MSI2: variants seen among roughly 807,000 people sequenced by gnomAD.
The protein encoded by MSI2 is musashi RNA binding protein 2.
MSI2 carries 17 observed loss-of-function variants against 45.6 expected under a neutral mutation model. The observed-to-expected ratio is 0.37, with a 90% CI of 0.26 to 0.56. The LOEUF (loss-of-function observed/expected upper bound fraction) is 0.56, where lower values mean the gene tolerates loss of function less well. Among genes scored for constraint, MSI2 ranks in the 20% least tolerant of loss-of-function variants. The pLI is 0.77. For synonymous variants in MSI2, 156 were observed against 158.2 expected (o/e 0.99, Z 0.11); for missense variants, 293 against 444.2 (o/e 0.66, Z 3.06).
At chr17:57,385,093 T>C (rs1192305393) in intron 5 of MSI2, among the ~76,000 whole-genome samples, 1 of 152,176 alleles carries the variant, frequency 6.6e-6, no homozygotes, top group Non-Finnish European at 1.5e-5. Flanking sequence ...GGTCCCTTCA[T>C]CTTGAACTAT....
chr17:57,668,999 A>G (rs1307254342), intron 11 of MSI2, among the ~76,000 whole-genome samples: 2 of 152,222 alleles, frequency 1.3e-5, no homozygotes, highest in Non-Finnish European at 2.9e-5. Context: ...GCTAAGCTCT[A>G]GAAGGAAAGC....
chr17:57,387,229 C>T (rs1222051395), intron 5 of MSI2, among the ~76,000 whole-genome samples: 1 of 152,220 alleles, frequency 6.6e-6, no homozygotes, highest in East Asian at 1.9e-4. Flanking sequence ...GAACAGACAT[C>T]ATGGCTATAA....
At chr17:57,441,137 C>T (rs1858517896) in intron 6 of MSI2, among the ~76,000 whole-genome samples, 1 of 152,182 alleles carries the variant, frequency 6.6e-6, no homozygotes, top group Non-Finnish European at 1.5e-5. Context: ...TATTCTGTTT[C>T]CATTGACGGG....
intron 5 of MSI2, among the ~76,000 whole-genome samples, chr17:57,319,121 C>A (rs373169071): frequency 1.3e-5 from 2 of 152,318 alleles, no homozygotes; most frequent in African/African-American, 4.8e-5. Context: ...CAGAGCAGGG[C>A]CTTCTGACTC....
chr17:57,566,676 T>C (rs1347641094), intron 7 of MSI2, among the ~76,000 whole-genome samples: 1 of 152,168 alleles, frequency 6.6e-6, no homozygotes, highest in Non-Finnish European at 1.5e-5. Flanking sequence ...AACTGAGAGA[T>C]TGAGGATTTG....
At chr17:57,593,541 GAC>G (rs1456544311) in intron 7 of MSI2, among the ~76,000 whole-genome samples, 9 of 152,056 alleles carry the variant, frequency 5.9e-5, no homozygotes, top group Non-Finnish European at 1.5e-5. Context: ...GTCTTTTAAG[GAC>G]ACCTGTCGTT....
chr17:57,257,152 G>T lies in MSI2; in HGVS notation c.103+14G>T. 7 of 1,560,298 alleles carry T rather than the reference G, an allele frequency of 4.5e-6. No homozygotes were observed. The highest frequency in any genetic ancestry group is 1.1e-5 in the South Asian group (1 of 88,282). ...AGACCTCACCAGGTAAGGGAGGGAGGGGGGGACGCCTGGGTCCCCCCCTTC... is the reference window on the plus strand; with the variant it reads ...AGACCTCACCAGGTAAGGGAGGGAGTGGGGGACGCCTGGGTCCCCCCCTTC... On this transcript the variant is annotated intron_variant, in intron 2 of 13. Transcript: ENST00000284073.
intron 5 of MSI2, among the ~76,000 whole-genome samples, chr17:57,283,430 T>C (rs1410115306): frequency 6.6e-6 from 1 of 152,156 alleles, no homozygotes; most frequent in East Asian, 1.9e-4. Flanking sequence ...GGGGGCTTGA[T>C]TTGTCTGTTA....
chr17:57,364,068 A>G (rs960694973), intron 5 of MSI2, among the ~76,000 whole-genome samples: 3 of 152,130 alleles, frequency 2.0e-5, no homozygotes, highest in African/African-American at 4.8e-5. Flanking sequence ...CCTGAAACCT[A>G]TGTTCTTGGT....
intron 6 of MSI2, among the ~76,000 whole-genome samples, chr17:57,521,232 G>A (rs555806456): frequency 5.9e-5 from 9 of 152,148 alleles, no homozygotes; most frequent in Non-Finnish European, 5.9e-5. Flanking sequence ...GGAAGGCAGC[G>A]GCTGGCAGGC....
intron 6 of MSI2, among the ~76,000 whole-genome samples, chr17:57,426,327 G>C (rs2084491716): frequency 6.6e-6 from 1 of 152,162 alleles, no homozygotes; most frequent in Admixed American, 6.5e-5. Flanking sequence ...GTCTTGCCTT[G>C]TGAAAGCATT....
At chr17:57,340,991 C>T (rs1915095336) in intron 5 of MSI2, among the ~76,000 whole-genome samples, 1 of 152,196 alleles carries the variant, frequency 6.6e-6, no homozygotes, top group African/African-American at 2.4e-5. Flanking sequence ...CCCCGGTATC[C>T]ATTCTGTCCT....
intron 7 of MSI2, among the ~76,000 whole-genome samples, chr17:57,592,439 T>C (rs750327855): frequency 1.3e-5 from 2 of 152,192 alleles, no homozygotes; most frequent in Non-Finnish European, 2.9e-5. Context: ...ATAACACTTA[T>C]TGATAATTAA....
chr17:57,544,170 C>T lies in MSI2; in HGVS notation c.454+14446C>T, dbSNP rs976592772. On this transcript the variant is annotated intron_variant, in intron 7 of 13. Transcript: ENST00000284073. The stretch of plus-strand genomic sequence containing the variant: ...GGGTGCAAGGCACATTTGAATTGGA[C>T]GTGGCCCTCGGTTGGTTTCAGAAAG... 2.6e-5 allele frequency among the ~76,000 whole-genome samples: 4 copies of T among 151,984 alleles called. No homozygotes were observed. In the East Asian group the frequency reaches 5.8e-4, roughly 22 times the overall value.
At chr17:57,593,317 T>G (rs1485110540) in intron 7 of MSI2, among the ~76,000 whole-genome samples, 3 of 152,182 alleles carry the variant, frequency 2.0e-5, no homozygotes, top group Non-Finnish European at 4.4e-5. Flanking sequence ...CTTCGTGGCT[T>G]AAAACAACAG....
chr17:57,532,555 T>C (rs950721366), intron 7 of MSI2, among the ~76,000 whole-genome samples: 2 of 152,234 alleles, frequency 1.3e-5, no homozygotes, highest in Non-Finnish European at 2.9e-5. Flanking sequence ...GAAGAACATA[T>C]CACAGCAGAG....
chr17:57,257,433 C>G, intron 2 of MSI2, 33 bp from the exon 3 acceptor site: 1 of 874,796 alleles, frequency 1.1e-6, no homozygotes, highest in Non-Finnish European at 1.7e-6. Flanking sequence ...CACCTTCTCT[C>G]CCCCCCCCAT....
At position 57,667,970 on chromosome 17, in the gene MSI2, G is replaced by A. The variant is rs575736426; in HGVS notation, c.791-7002G>A. The stretch of plus-strand genomic sequence containing the variant: ...TCCCAGCACTTTGGGAGGCTGAGGC[G>A]GGTGGATCACCTGAGGTCAGGAGTT... On this transcript the variant is annotated intron_variant, in intron 11 of 13. Transcript: ENST00000284073. Among the ~76,000 whole-genome samples, 22 of 152,272 alleles carry A rather than the reference G, an allele frequency of 1.4e-4. No homozygotes were observed. In the South Asian group the frequency reaches 2.5e-3, roughly 17 times the overall value.
chr17:57,674,069 C>G (rs1312962961), intron 11 of MSI2, among the ~76,000 whole-genome samples: 2 of 151,564 alleles, frequency 1.3e-5, no homozygotes, highest in Non-Finnish European at 1.5e-5. Flanking sequence ...GCCCCAGCCT[C>G]CAGGTTTACC....
Sources: allele counts gnomAD v4.1 joint callset (sites outside exome capture counted in the v4.1 genomes callset), GRCh38; gene constraint gnomAD v4.1.1; transcripts MANE v1.5; gene names NCBI Gene and HGNC (gene_info 2026-07-23, HGNC 2026-07-21).